The following ACAD11 variants were observed in gnomAD, a reference collection of about 807,000 sequenced individuals.
The protein encoded by ACAD11 is acyl-Coenzyme A dehydrogenase family, member 11.
ACAD11 carries 83 observed loss-of-function variants against 102.2 expected under a neutral mutation model. That is an observed-to-expected ratio of 0.81 (90% CI 0.68 to 0.97). The LOEUF (loss-of-function observed/expected upper bound fraction) is 0.97. ACAD11 is among the 50% of genes least tolerant of loss of function. The pLI is 0.00. For missense variants in ACAD11, 901 were observed against 951.7 expected, an observed-to-expected ratio of 0.95 and a Z score of 0.70; for synonymous variants, 324 against 319.8, an observed-to-expected ratio of 1.01 and a Z score of -0.14.
chr3:132,602,874 C>T (rs1447212387), intron 13 of ACAD11, among the ~76,000 whole-genome samples: 3 of 152,156 alleles, frequency 2.0e-5, no homozygotes, highest in Admixed American at 1.3e-4. Flanking sequence ...GCCATCTCAG[C>T]GCATGTCAAC....
intron 13 of ACAD11, among the ~76,000 whole-genome samples, chr3:132,582,064 T>C (rs1937607419): frequency 6.6e-6 from 1 of 151,956 alleles, no homozygotes; most frequent in Admixed American, 6.6e-5. Flanking sequence ...CATATTCTTA[T>C]ATTAAAGTAG....
In ACAD11 at chr3:132,558,893, T is replaced by A; in HGVS notation, c.*78A>T. 9.9e-7 allele frequency: 1 copy of A among 1,007,836 alleles called. No individual in the cohort carries two copies. Among genetic ancestry groups the A allele is most frequent in the Non-Finnish European group, 1.5e-6 (1 of 660,016 alleles). The allele number at this position is 1,007,836 out of a possible 1,614,324, so 62.4% of individuals were successfully genotyped here. On this transcript the variant is annotated 3_prime_UTR_variant, in exon 20 of 20. Transcript: ENST00000264990. ...CTGTGCTCAAACTGCTACAAAAATA[T>A]GAGATTCAAATGTTGGAGCCAATGA...
intron 9 of ACAD11, among the ~76,000 whole-genome samples, chr3:132,626,421 T>C (rs946171721): frequency 6.6e-6 from 1 of 152,082 alleles, no homozygotes; most frequent in South Asian, 2.1e-4. Context: ...CTTACTGCCT[T>C]AGGACAAGGC....
chr3:132,563,403 A>T (rs981769647), intron 17 of ACAD11, among the ~76,000 whole-genome samples: 1 of 152,182 alleles, frequency 6.6e-6, no homozygotes, highest in African/African-American at 2.4e-5. Context: ...AGGATGGTTA[A>T]CATCTTTAAT....
intron 5 of ACAD11, among the ~76,000 whole-genome samples, chr3:132,634,498 C>T (rs1376962664): frequency 9.9e-5 from 15 of 151,596 alleles, no homozygotes; most frequent in South Asian, 6.3e-4. Flanking sequence ...GTCAGTGTGG[C>T]GATTCCTCAG....
intron 11 of ACAD11, among the ~76,000 whole-genome samples, chr3:132,606,511 A>C (rs958146535): frequency 1.2e-4 from 18 of 152,214 alleles, no homozygotes; most frequent in African/African-American, 4.1e-4. Flanking sequence ...GTTGGAAAAA[A>C]AAACTTGGAT....
At position 132,642,018 on chromosome 3, in the gene ACAD11, A is replaced by G. The variant is rs781737481; in HGVS notation, c.491T>C (p.Leu164Pro). Residue 164 changes from leucine to proline, a missense_variant, in exon 4 of 20, where the codon CTG (leucine) becomes CCG (proline). Leu to Pro is a moderately conservative substitution (Grantham distance 98, BLOSUM62 -3). Coordinates refer to ENST00000264990, the MANE Select transcript of ACAD11 (RefSeq NM_032169.5). The stretch of plus-strand genomic sequence containing the variant: ...ACCTATACCATATCCTTCCAGCTGC[A>G]GTGACTGTATATTCAAGGAATGTAA... Reference protein sequence around the residue: ...AQLHSLNIQSLQLEGYGIGAG... With the variant: ...AQLHSLNIQSPQLEGYGIGAG... 1 of 1,614,014 alleles carries G rather than the reference A, an allele frequency of 6.2e-7. No individual in the cohort carries two copies. Among genetic ancestry groups the G allele is most frequent in the South Asian group, 1.1e-5 (1 of 91,074 alleles).
At chr3:132,561,708 C>A (rs1937063339) in intron 17 of ACAD11, among the ~76,000 whole-genome samples, 1 of 152,120 alleles carries the variant, frequency 6.6e-6, no homozygotes, top group South Asian at 2.1e-4. Flanking sequence ...TAAAAATGAC[C>A]TTTTCTTTAG....
At chr3:132,575,994 C>A in intron 16 of ACAD11, 68 bp from the exon 17 acceptor site, 1 of 1,562,076 alleles carries the variant, frequency 6.4e-7, no homozygotes. Context: ...GTTATTTATA[C>A]AAATCCTGGG....
At chr3:132,572,455 A>G (rs999070053) in intron 17 of ACAD11, among the ~76,000 whole-genome samples, 1 of 152,240 alleles carries the variant, frequency 6.6e-6, no homozygotes, top group Non-Finnish European at 1.5e-5. Context: ...TATCATTAAA[A>G]TGACTATACT....
At position 132,564,941 on chromosome 3, in the gene ACAD11, C is replaced by T. The variant is rs185333979; in HGVS notation, c.2002-3724G>A. On this transcript the variant is annotated intron_variant, in intron 17 of 19. Coordinates refer to ENST00000264990, the MANE Select transcript of ACAD11 (RefSeq NM_032169.5). ...ATATATCTCAGCTGCTGAGGTTCTT[C>T]CCGGCAGCTGAAGAATCTAGTAACC... 4.8e-3 allele frequency among the ~76,000 whole-genome samples: 736 copies of T among 152,208 alleles called. 4 individuals carry two copies. The highest frequency in any genetic ancestry group is 0.01 in the Middle Eastern group (3 of 294).
rs749447400 is a variant in ACAD11 at position 132,642,028 on chromosome 3, T to C, written c.481A>G (p.Ile161Val). Reference sequence around the variant, plus strand: ...TATCCTTCCAGCTGCAGTGACTGTATATTCAAGGAATGTAACTGAGCCAAT... The same window carrying C: ...TATCCTTCCAGCTGCAGTGACTGTACATTCAAGGAATGTAACTGAGCCAAT... ...ETLAQLHSLN[I>V]QSLQLEGYGI... Residue 161 changes from isoleucine to valine, a missense_variant, in exon 4 of 20, where the codon ATA (isoleucine) becomes GTA (valine). Coordinates refer to ENST00000264990, the MANE Select transcript of ACAD11 (RefSeq NM_032169.5). 1 of 1,613,952 alleles carries C rather than the reference T, an allele frequency of 6.2e-7. No individual in the cohort carries two copies. The highest frequency in any genetic ancestry group is 1.3e-5 in the African/African-American group (1 of 74,932).
chr3:132,605,197 T>G lies in ACAD11; in HGVS notation c.1423A>C (p.Asn475His). ...CCATACAGGTGCAGAACCTCCATATTCCCTGTGTCTACACATAAAGAAGGA... is the reference window on the plus strand; with the variant it reads ...CCATACAGGTGCAGAACCTCCATATGCCCTGTGTCTACACATAAAGAAGGA... ...VFNCQAPDTG[N>H]MEVLHLYGSE... is the part of the protein sequence containing the mutation. Residue 475 changes from asparagine to histidine, a missense_variant, in exon 12 of 20, where the codon AAT becomes CAT. Transcript: ENST00000264990. 1 of 1,611,012 alleles carries G rather than the reference T, an allele frequency of 6.2e-7. No individual in the cohort carries two copies. The highest frequency in any genetic ancestry group is 8.5e-7 in the Non-Finnish European group (1 of 1,177,708).
Position 132,642,152 on chromosome 3 carries a change from C to A in ACAD11, c.376-19G>T. ...TTCGACCCTATGGAAGTGATTACAA[C>A]AGATTATTTAAATGTGTATAATCAA... is the stretch of plus-strand genomic sequence containing the variant. On this transcript the variant is annotated intron_variant, in intron 3 of 19. Transcript: ENST00000264990. The A allele has an allele frequency of 1.3e-6, 2 of 1,599,258 alleles. No individual in the cohort carries two copies. The highest frequency in any genetic ancestry group is 2.2e-5 in the South Asian group (2 of 89,278).
At chr3:132,634,978 A>AC (rs894972507) in intron 5 of ACAD11, among the ~76,000 whole-genome samples, 15 of 151,836 alleles carry the variant, frequency 9.9e-5, no homozygotes, top group Non-Finnish European at 2.2e-4. Flanking sequence ...TGGGTGCAGC[A>AC]CACCAACATG....
At chr3:132,623,066 T>C (rs1259541023) in intron 9 of ACAD11, among the ~76,000 whole-genome samples, 2 of 152,202 alleles carry the variant, frequency 1.3e-5, no homozygotes, top group Non-Finnish European at 2.9e-5. Flanking sequence ...GCTTTTAATA[T>C]TTTCCAATTG....
At chr3:132,610,983 T>A (rs1282521945) in intron 11 of ACAD11, among the ~76,000 whole-genome samples, 3 of 152,082 alleles carry the variant, frequency 2.0e-5, no homozygotes, top group Non-Finnish European at 4.4e-5. Flanking sequence ...AATAAAATAC[T>A]GGCAAACGGA....
chr3:132,610,812 C>T (rs1461914249), intron 11 of ACAD11, among the ~76,000 whole-genome samples: 1 of 152,162 alleles, frequency 6.6e-6, no homozygotes, highest in Non-Finnish European at 1.5e-5. Context: ...GAGCTGGTAC[C>T]ATTCCTTCTG....
chr3:132,564,939 T>C (rs1412861978), intron 17 of ACAD11, among the ~76,000 whole-genome samples: 2 of 152,152 alleles, frequency 1.3e-5, no homozygotes, highest in African/African-American at 4.8e-5. Context: ...GCTGAGGTTC[T>C]TCCCGGCAGC....
Sources: allele counts gnomAD v4.1 joint callset (sites outside exome capture counted in the v4.1 genomes callset), GRCh38; gene constraint gnomAD v4.1.1; transcripts MANE v1.5; gene names NCBI Gene and HGNC (gene_info 2026-07-23, HGNC 2026-07-21).